The following FRA10AC1 variants were observed in gnomAD, a reference collection of about 807,000 sequenced individuals.
FRA10AC1 encodes protein FRA10AC1.
In FRA10AC1, 43 loss-of-function variants were observed where a neutral mutation model predicts 56.5. The ratio of observed to expected loss-of-function variants is 0.76; its 90% CI spans 0.60 to 0.98. The LOEUF (loss-of-function observed/expected upper bound fraction) is 0.98. FRA10AC1 is among the 50% of genes least tolerant of loss of function. The probability of loss-of-function intolerance (pLI) is 0.00; values close to 1 mark genes in which losing one functional copy is unlikely to be tolerated. For synonymous variants in FRA10AC1, 112 were observed against 110.5 expected (o/e 1.01, Z -0.09); for missense variants, 346 against 351.8 (o/e 0.98, Z 0.13).
chr10:93,676,611 C>A, intron 12 of FRA10AC1, 42 bp downstream of exon 12: 1 of 1,527,118 alleles, frequency 6.5e-7, no homozygotes, highest in South Asian at 1.3e-5. Context: ...ATTGCAAATA[C>A]CTCAAATGCA....
At position 93,681,616 on chromosome 10, in the gene FRA10AC1, T is replaced by C. The variant is rs760076086; in HGVS notation, c.669-18A>G. 4 of 1,474,432 alleles carry C rather than the reference T, an allele frequency of 2.7e-6. No individual in the cohort carries two copies. The highest frequency in any genetic ancestry group is 2.7e-5 in the Admixed American group (1 of 36,926). The allele number at this position is 1,474,432 out of a possible 1,614,324, so 91.3% of individuals were successfully genotyped here. ...CTTTTCTCCTTTGTGTTAAACAATATAAAATTAAAGTTAACTTTTCCAACT... is the reference window on the plus strand; with the variant it reads ...CTTTTCTCCTTTGTGTTAAACAATACAAAATTAAAGTTAACTTTTCCAACT... On this transcript the variant is annotated intron_variant, in intron 10 of 13. Coordinates refer to ENST00000359204, the MANE Select transcript of FRA10AC1 (RefSeq NM_145246.5).
intron 4 of FRA10AC1, among the ~76,000 whole-genome samples, chr10:93,695,989 T>C (rs1050888346): frequency 5.3e-5 from 8 of 152,250 alleles, no homozygotes; most frequent in Non-Finnish European, 1.2e-4. Flanking sequence ...GAAGCATGGC[T>C]GTATTCCAAT....
chr10:93,673,286 C>A, intron 12 of FRA10AC1: 1 of 456,028 alleles, frequency 2.2e-6, no homozygotes, highest in Non-Finnish European at 4.4e-6. Context: ...AATATCCATA[C>A]AGTAATTTCC....
At chr10:93,677,845 G>A (rs2058870232) in intron 11 of FRA10AC1, among the ~76,000 whole-genome samples, 1 of 152,100 alleles carries the variant, frequency 6.6e-6, no homozygotes, top group Non-Finnish European at 1.5e-5. Context: ...ACTTTGAAAA[G>A]CAAAATTAAA....
At chr10:93,695,257 T>C (rs1004528034) in intron 4 of FRA10AC1, among the ~76,000 whole-genome samples, 2 of 152,058 alleles carry the variant, frequency 1.3e-5, no homozygotes, top group Non-Finnish European at 2.9e-5. Context: ...CTACCACCAC[T>C]CATTCTAATA....
chr10:93,675,598 G>A, intron 12 of FRA10AC1: 1 of 286,882 alleles, frequency 3.5e-6, no homozygotes. Context: ...CCGGCGACTT[G>A]GGAGGCTGAG....
In FRA10AC1 at chr10:93,699,447, A is replaced by G. The variant is rs141987870; in HGVS notation, c.77+583T>C. Among the ~76,000 whole-genome samples the G allele has an allele frequency of 7.6e-3, 1,159 of 152,328 alleles. 6 individuals are homozygous for G. Among genetic ancestry groups the G allele is most frequent in the Admixed American group, 0.015 (230 of 15,302 alleles). ...AAAGTATAAAACTGAGTTTCTATGC[A>G]CTGAAAGCTAAGAACAATGCTCCTA... On this transcript the variant is annotated intron_variant, in intron 2 of 13. Coordinates refer to ENST00000359204, the MANE Select transcript of FRA10AC1 (RefSeq NM_145246.5).
Position 93,694,939 on chromosome 10 carries a change from T to C in FRA10AC1, c.220-2A>G, listed in dbSNP as rs1220077323. ...TACGAACTTTGTATGTCTTTGATAC[T>C]GAAATGCAAAAAATTAAGGATTTTA... On this transcript the variant is annotated splice_acceptor_variant, in intron 4 of 13. Transcript: ENST00000359204. LOFTEE classifies it high-confidence loss of function. 1 of 1,411,334 alleles carries C rather than the reference T, an allele frequency of 7.1e-7. No individual in the cohort carries two copies. Among genetic ancestry groups the C allele is most frequent in the South Asian group, 1.2e-5 (1 of 86,054 alleles). 87.4% of individuals were successfully genotyped at this position (1,411,334 alleles called of 1,614,324 possible).
chr10:93,701,488 G>A (rs1256148379), intron 1 of FRA10AC1, among the ~76,000 whole-genome samples: 1 of 152,050 alleles, frequency 6.6e-6, no homozygotes, highest in Non-Finnish European at 1.5e-5. Context: ...TCTTTAAGTT[G>A]TTTAAATCTT....
At chr10:93,687,537 C>G (rs1718159448) in intron 7 of FRA10AC1, 88 bp from the exon 8 acceptor site, 3 of 1,210,560 alleles carry the variant, frequency 2.5e-6, no homozygotes, top group Non-Finnish European at 3.4e-6. Flanking sequence ...ATTCACCAAC[C>G]TAAAAAATAA....
intron 2 of FRA10AC1, among the ~76,000 whole-genome samples, chr10:93,698,984 C>T (rs938671495): frequency 6.6e-6 from 1 of 152,178 alleles, no homozygotes; most frequent in Non-Finnish European, 1.5e-5. Context: ...TTCAGGCCAA[C>T]AATGTGAACC....
In FRA10AC1 at chr10:93,698,153, G is replaced by C; in HGVS notation, c.202C>G (p.Leu68Val). Residue 68 changes from leucine (L) to valine (V), a missense_variant, in exon 4 of 14, where the codon CTC becomes GTC. Leu to Val is a conservative substitution (Grantham distance 32). Transcript: ENST00000359204. ...REEARNRRFH[L>V]IAMDAYQRHT... is the part of the protein sequence containing the mutation. ...AAGGATACAGCATCCATAGCTATGA[G>C]ATGAAACCTTCTATTTCTTGCTTCT... 2 of 1,578,554 alleles carry C rather than the reference G, an allele frequency of 1.3e-6. No individual in the cohort carries two copies. The highest frequency in any genetic ancestry group is 2.3e-5 in the South Asian group (2 of 85,378).
At chr10:93,701,144 A>G (rs1320320744) in intron 1 of FRA10AC1, among the ~76,000 whole-genome samples, 1 of 152,210 alleles carries the variant, frequency 6.6e-6, no homozygotes. Context: ...AAATGCTGGA[A>G]GACCTCAGTT....
intron 12 of FRA10AC1, chr10:93,673,370 A>T: frequency 2.2e-6 from 1 of 456,450 alleles, no homozygotes; most frequent in Non-Finnish European, 4.4e-6. Context: ...TTCCTCCAAC[A>T]TTCTTCCTAC....
intron 5 of FRA10AC1, among the ~76,000 whole-genome samples, chr10:93,694,409 C>A (rs766050019): frequency 6.6e-6 from 1 of 151,938 alleles, no homozygotes; most frequent in African/African-American, 2.4e-5. Context: ...GGTATCTCTA[C>A]CTTATAATAT....
At chr10:93,696,157 A>G (rs992187737) in intron 4 of FRA10AC1, among the ~76,000 whole-genome samples, 32 of 152,228 alleles carry the variant, frequency 2.1e-4, no homozygotes, top group Non-Finnish European at 1.8e-4. Flanking sequence ...GGTGGAAGGA[A>G]GAAGGCGCCC....
chr10:93,693,457 T>C (rs1248379168), intron 5 of FRA10AC1, among the ~76,000 whole-genome samples: 1 of 141,668 alleles, frequency 7.1e-6, no homozygotes, highest in African/African-American at 2.6e-5. Context: ...AACCAATGAG[T>C]GGATAAAGAA....
At position 93,687,449 on chromosome 10, in the gene FRA10AC1, A is replaced by C; in HGVS notation, c.466T>G (p.Phe156Val). The C allele has an allele frequency of 6.6e-7, 1 of 1,510,874 alleles. No individual in the cohort carries two copies. Among genetic ancestry groups the C allele is most frequent in the Non-Finnish European group, 9.0e-7 (1 of 1,114,582 alleles). 93.6% of individuals were successfully genotyped at this position (1,510,874 alleles called of 1,614,324 possible). ...TTTTCTACTCGCCACCTAAATCCAA[A>C]CTGATAATAAAAAAATTACATTTAT... ...ADLSKYKENK[F>V]GFRWRVEKEV... The change falls in exon 8 of 14, where the codon TTT becomes GTT. Residue 156 changes from phenylalanine to valine, a missense_variant and splice_region_variant. Coordinates refer to ENST00000359204, the MANE Select transcript of FRA10AC1 (RefSeq NM_145246.5).
At chr10:93,681,674 A>C (rs1589718642) in intron 10 of FRA10AC1, 76 bp from the exon 11 acceptor site, 2 of 1,315,174 alleles carry the variant, frequency 1.5e-6, no homozygotes, top group East Asian at 5.5e-5. Flanking sequence ...ATATGAACAA[A>C]AAACCAAAAT....
Sources: allele counts gnomAD v4.1 joint callset (sites outside exome capture counted in the v4.1 genomes callset), GRCh38; gene constraint gnomAD v4.1.1; transcripts MANE v1.5; gene names NCBI Gene and HGNC (gene_info 2026-07-23, HGNC 2026-07-21).